The following RALGPS1 variants were observed in gnomAD, a reference collection of about 807,000 sequenced individuals.
RALGPS1 encodes the protein ras-specific guanine nucleotide-releasing factor RalGPS1.
RALGPS1 carries 19 observed loss-of-function variants against 78.8 expected under a neutral mutation model. The ratio of observed to expected loss-of-function variants is 0.24; its 90% CI spans 0.17 to 0.35. The LOEUF is 0.35. RALGPS1 is among the 10% of genes least tolerant of loss of function. RALGPS1 has a pLI of 1.00. For missense variants in RALGPS1, 454 were observed against 688.3 expected, an observed-to-expected ratio of 0.66 and a Z score of 3.81; for synonymous variants, 228 against 256.3, an observed-to-expected ratio of 0.89 and a Z score of 1.06.
chr9:127,103,309 A>G (rs904426879), intron 8 of RALGPS1, among the ~76,000 whole-genome samples: 9 of 152,236 alleles, frequency 5.9e-5, no homozygotes, highest in Admixed American at 2.0e-4. Flanking sequence ...CCATAGCCCA[A>G]TAGCCCATCT....
chr9:127,184,443 G>C, intron 11 of RALGPS1: 1 of 220,610 alleles, frequency 4.5e-6, no homozygotes. Context: ...ATGTGAAAGT[G>C]ACCAGCTCCC....
intron 8 of RALGPS1, among the ~76,000 whole-genome samples, chr9:127,072,224 G>GT (rs1444963800): frequency 6.6e-6 from 1 of 152,004 alleles, no homozygotes; most frequent in African/African-American, 2.4e-5. Context: ...TTATCCATTT[G>GT]TTTTTTTAGA....
intron 5 of RALGPS1, among the ~76,000 whole-genome samples, chr9:127,036,837 T>C (rs1022742780): frequency 6.6e-6 from 1 of 152,220 alleles, no homozygotes; most frequent in Non-Finnish European, 1.5e-5. Context: ...GTATCACATA[T>C]GAATGTTCCT....
intron 3 of RALGPS1, among the ~76,000 whole-genome samples, chr9:126,973,873 A>G (rs1300711783): frequency 6.6e-6 from 1 of 151,884 alleles, no homozygotes; most frequent in Non-Finnish European, 1.5e-5. Flanking sequence ...TTTTCTGTAG[A>G]TTTGACTTTC....
intron 4 of RALGPS1, among the ~76,000 whole-genome samples, chr9:127,031,932 A>G (rs1017887961): frequency 2.0e-5 from 3 of 152,256 alleles, no homozygotes; most frequent in African/African-American, 4.8e-5. Context: ...TGCCTGCATG[A>G]TATCAGCAAA....
At chr9:126,958,126 T>TAAAAAA (rs11290290) in intron 1 of RALGPS1, among the ~76,000 whole-genome samples, 32 of 77,546 alleles carry the variant, frequency 4.1e-4, no homozygotes, top group East Asian at 1.7e-3. Context: ...GCTGTCTCTT[T>TAAAAAA]AAAAAAAAAA....
intron 8 of RALGPS1, among the ~76,000 whole-genome samples, chr9:127,152,471 T>G (rs2058474393): frequency 6.6e-6 from 1 of 152,146 alleles, no homozygotes; most frequent in Non-Finnish European, 1.5e-5. Context: ...GTCAGAGCAT[T>G]CTAGAACCCC....
intron 4 of RALGPS1, among the ~76,000 whole-genome samples, chr9:127,003,651 C>G (rs533221846): frequency 3.9e-4 from 59 of 152,198 alleles, no homozygotes; most frequent in African/African-American, 1.4e-3. Flanking sequence ...GTATATTTAG[C>G]TTAATAGATA....
At chr9:126,981,809 A>G (rs2132830740) in intron 4 of RALGPS1, among the ~76,000 whole-genome samples, 1 of 152,332 alleles carries the variant, frequency 6.6e-6, no homozygotes, top group Non-Finnish European at 1.5e-5. Flanking sequence ...AGCTTAAAAT[A>G]ATAAGCATTT....
intron 8 of RALGPS1, among the ~76,000 whole-genome samples, chr9:127,072,124 T>G (rs2050254683): frequency 6.6e-6 from 1 of 152,262 alleles, no homozygotes; most frequent in Non-Finnish European, 1.5e-5. Flanking sequence ...CATCATGTTT[T>G]CAAGGTTCAT....
intron 5 of RALGPS1, among the ~76,000 whole-genome samples, chr9:127,042,542 A>G (rs1311002639): frequency 6.6e-6 from 1 of 152,200 alleles, no homozygotes; most frequent in African/African-American, 2.4e-5. Context: ...AACATCTACA[A>G]AAGTCCTTCA....
At chr9:127,192,273 A>G (rs906294898) in intron 11 of RALGPS1, among the ~76,000 whole-genome samples, 7 of 152,346 alleles carry the variant, frequency 4.6e-5, no homozygotes, top group East Asian at 1.9e-4. Flanking sequence ...GAGGAGGGAA[A>G]GGGAGGAGAG....
intron 4 of RALGPS1, among the ~76,000 whole-genome samples, chr9:127,007,319 T>TA (rs2043925947): frequency 6.6e-6 from 1 of 152,230 alleles, no homozygotes; most frequent in Non-Finnish European, 1.5e-5. Context: ...AACAATTAGT[T>TA]ATTCAATGCC....
At chr9:127,114,051 A>T (rs2055141512) in intron 8 of RALGPS1, among the ~76,000 whole-genome samples, 1 of 152,220 alleles carries the variant, frequency 6.6e-6, no homozygotes, top group Admixed American at 6.5e-5. Context: ...AAAGAATAAC[A>T]ACAATAAATT....
In RALGPS1 at chr9:126,965,829, C is replaced by T. The variant is rs1334180228; in HGVS notation, c.58-15C>T. 2 of 1,604,180 alleles carry T rather than the reference C, an allele frequency of 1.2e-6. No homozygotes were observed. Among genetic ancestry groups the T allele is most frequent in the South Asian group, 2.2e-5 (2 of 90,830 alleles). ...ATATCATTCAGTTGGCACCATCTTTCCCTGCTCTCCACAGGGCAGCAGCAG... is the reference window on the plus strand; with the variant it reads ...ATATCATTCAGTTGGCACCATCTTTTCCTGCTCTCCACAGGGCAGCAGCAG... On this transcript the variant is annotated splice_polypyrimidine_tract_variant and intron_variant, in intron 2 of 18. Transcript: ENST00000259351.
At chr9:127,216,579 A>G (rs2062591876) in intron 18 of RALGPS1, among the ~76,000 whole-genome samples, 1 of 152,240 alleles carries the variant, frequency 6.6e-6, no homozygotes, top group Non-Finnish European at 1.5e-5. Flanking sequence ...TCTCATCTGT[A>G]TAAAAGTTCT....
At chr9:127,195,585 G>A (rs1469584288) in intron 12 of RALGPS1, among the ~76,000 whole-genome samples, 2 of 152,204 alleles carry the variant, frequency 1.3e-5, no homozygotes, top group Admixed American at 1.3e-4. Context: ...CTGTCATCCA[G>A]GGCAGTGTTC....
intron 5 of RALGPS1, among the ~76,000 whole-genome samples, chr9:127,046,352 C>T (rs1205753994): frequency 6.6e-6 from 1 of 152,062 alleles, no homozygotes; most frequent in African/African-American, 2.4e-5. Context: ...TAACCAATTC[C>T]CTATCAATGG....
chr9:127,145,373 G>T (rs959949634), intron 8 of RALGPS1, among the ~76,000 whole-genome samples: 1 of 152,200 alleles, frequency 6.6e-6, no homozygotes, highest in African/African-American at 2.4e-5. Flanking sequence ...TACCCTCCAG[G>T]CCCTGTGACG....
Sources: allele counts gnomAD v4.1 joint callset (sites outside exome capture counted in the v4.1 genomes callset), GRCh38; gene constraint gnomAD v4.1.1; transcripts MANE v1.5; gene names NCBI Gene and HGNC (gene_info 2026-07-23, HGNC 2026-07-21).